Variants in RB1CC1 observed in about 807,000 individuals in gnomAD.
RB1CC1 encodes the protein RB1-inducible coiled-coil protein 1.
RB1CC1 carries 46 observed loss-of-function variants against 177.5 expected under a neutral mutation model. The ratio of observed to expected loss-of-function variants is 0.26; its 90% CI spans 0.20 to 0.33. The LOEUF (loss-of-function observed/expected upper bound fraction) is 0.33, where lower values mean the gene tolerates loss of function less well. Among genes scored for constraint, RB1CC1 ranks in the 10% least tolerant of loss-of-function variants. The pLI is 1.00. For missense variants in RB1CC1, 1,703 were observed against 1,816.3 expected, an observed-to-expected ratio of 0.94 and a Z score of 1.13; for synonymous variants, 666 against 613.6, an observed-to-expected ratio of 1.09 and a Z score of -1.26.
intron 1 of RB1CC1, among the ~76,000 whole-genome samples, chr8:52,705,211 G>C (rs1856444632): frequency 6.6e-6 from 1 of 152,168 alleles, no homozygotes; most frequent in Non-Finnish European, 1.5e-5. Context: ...AAACTGAACA[G>C]ATCCAAATTG....
intron 15 of RB1CC1, among the ~76,000 whole-genome samples, chr8:52,653,038 CAA>C (rs1422262913): frequency 6.6e-6 from 1 of 152,092 alleles, no homozygotes; most frequent in Admixed American, 6.5e-5. Flanking sequence ...GCCTGGGTAA[CAA>C]GAGCGAAACT....
intron 5 of RB1CC1, among the ~76,000 whole-genome samples, chr8:52,681,457 G>C (rs997733474): frequency 2.6e-5 from 4 of 152,154 alleles, no homozygotes; most frequent in African/African-American, 9.7e-5. Flanking sequence ...GAAGTAATCA[G>C]ACATAAACTC....
chr8:52,661,847 C>A, intron 8 of RB1CC1, 128 bp from the exon 9 acceptor site: 1 of 643,564 alleles, frequency 1.6e-6, no homozygotes, highest in African/African-American at 1.9e-5. Context: ...TTTTTAAATC[C>A]TCTATTTTTC....
intron 5 of RB1CC1, 49 bp downstream of exon 5, chr8:52,683,500 T>C (rs1191103112): frequency 5.5e-6 from 8 of 1,463,508 alleles, no homozygotes; most frequent in Non-Finnish European, 7.3e-6. Flanking sequence ...GCTATTTAGA[T>C]CCGAATGCTT....
At chr8:52,664,605 A>G (rs937299837) in intron 8 of RB1CC1, among the ~76,000 whole-genome samples, 2 of 152,202 alleles carry the variant, frequency 1.3e-5, no homozygotes, top group Non-Finnish European at 2.9e-5. Context: ...ACAAGACAAC[A>G]AAAACTAATT....
chr8:52,636,096 G>GT, intron 18 of RB1CC1, 27 bp from the exon 19 acceptor site: 1 of 1,588,786 alleles, frequency 6.3e-7, no homozygotes, highest in South Asian at 1.1e-5. Flanking sequence ...TTGAGTTTCA[G>GT]TTTGAAATTC....
At chr8:52,624,895 G>A in intron 22 of RB1CC1, 108 bp from the exon 23 acceptor site, 1 of 737,274 alleles carries the variant, frequency 1.4e-6, no homozygotes, top group South Asian at 2.2e-5. Flanking sequence ...ATGAGTGGAA[G>A]AATATGTAAG....
chr8:52,680,689 A>G (rs1214655340), intron 5 of RB1CC1, among the ~76,000 whole-genome samples: 2 of 152,232 alleles, frequency 1.3e-5, no homozygotes, highest in Admixed American at 1.3e-4. Context: ...AAACTGTGGC[A>G]TATTCGTACA....
chr8:52,674,765 C>T (rs1008412017), intron 6 of RB1CC1, among the ~76,000 whole-genome samples: 4 of 143,916 alleles, frequency 2.8e-5, no homozygotes, highest in South Asian at 2.2e-4. Context: ...AGCAAGGCTC[C>T]GTCTCAAAAA....
Position 52,622,750 on chromosome 8 carries a change from G to A in RB1CC1, c.*1032C>T, listed in dbSNP as rs943289812. On this transcript the variant is annotated 3_prime_UTR_variant, in exon 24 of 24. Transcript: ENST00000025008. The stretch of plus-strand genomic sequence containing the variant: ...TATTCTACATAACACTGTTTACCCT[G>A]TTACATAGTATATAGTTAAAGAACA... 5.3e-5 allele frequency: 8 copies of A among 151,776 alleles called. No homozygotes were observed. The highest frequency in any genetic ancestry group is 1.5e-4 in the African/African-American group (6 of 41,334). 9.4% of individuals were successfully genotyped at this position (151,776 alleles called of 1,614,324 possible). A position where few individuals can be genotyped will look rare whatever the true frequency, so the allele number is the denominator to read the frequency against.
intron 8 of RB1CC1, among the ~76,000 whole-genome samples, chr8:52,665,207 T>C (rs1851963572): frequency 6.6e-6 from 1 of 152,238 alleles, no homozygotes; most frequent in African/African-American, 2.4e-5. Context: ...ACAATATCTG[T>C]ATGATCTATA....
intron 11 of RB1CC1, 98 bp downstream of exon 11, chr8:52,660,828 A>T: frequency 8.8e-7 from 1 of 1,134,916 alleles, no homozygotes; most frequent in Non-Finnish European, 1.3e-6. Flanking sequence ...TATCAATGGC[A>T]ATTAACAGCA....
In RB1CC1 at chr8:52,680,672, T is replaced by TA. The variant is rs944184860; in HGVS notation, c.369+2876dup. The stretch of plus-strand genomic sequence containing the variant: ...ATACCTACTAGTAGCAGAACAGATT[T>TA]AAAAAAAAACTGTGGCATATTCGTA... On this transcript the variant is annotated intron_variant, in intron 5 of 23. Coordinates refer to ENST00000025008, the MANE Select transcript of RB1CC1 (RefSeq NM_014781.5). Among the ~76,000 whole-genome samples the TA allele has an allele frequency of 1.1e-4, 17 of 151,312 alleles. No homozygotes were observed. The East Asian group carries it at 1.7e-3, about 16-fold the overall frequency.
intron 18 of RB1CC1, among the ~76,000 whole-genome samples, chr8:52,640,685 T>G (rs1406187703): frequency 1.3e-5 from 2 of 152,200 alleles, no homozygotes; most frequent in African/African-American, 2.4e-5. Flanking sequence ...GGTGGTTCAC[T>G]TTTTTCACAC....
intron 5 of RB1CC1, among the ~76,000 whole-genome samples, chr8:52,678,534 A>G (rs1853369532): frequency 6.6e-6 from 1 of 152,208 alleles, no homozygotes; most frequent in Admixed American, 6.5e-5. Context: ...GTGTATATCA[A>G]AGTCTAGGAA....
chr8:52,660,153 A>C (rs887422738), intron 12 of RB1CC1, among the ~76,000 whole-genome samples: 1 of 152,232 alleles, frequency 6.6e-6, no homozygotes, highest in Admixed American at 6.5e-5. Context: ...ATTCCAGTGA[A>C]GTCTAACTGA....
intron 1 of RB1CC1, among the ~76,000 whole-genome samples, chr8:52,694,357 A>T (rs1431668087): frequency 6.6e-6 from 1 of 152,188 alleles, no homozygotes; most frequent in African/African-American, 2.4e-5. Flanking sequence ...CTCTACTCCC[A>T]GGCTCATCCC....
chr8:52,645,998 CTCTTTGAATCTAAA>C (rs1849989459), intron 15 of RB1CC1, 131 bp from the exon 16 acceptor site: 1 of 843,102 alleles, frequency 1.2e-6, no homozygotes, highest in African/African-American at 1.8e-5. Context: ...TGTGAACCCT[CTCTTTGAATCTAAA>C]AAGTAAAGGG....
intron 18 of RB1CC1, among the ~76,000 whole-genome samples, chr8:52,637,193 C>T (rs1849212123): frequency 1.3e-5 from 2 of 152,202 alleles, no homozygotes; most frequent in Admixed American, 1.3e-4. Context: ...GCGATTAAGT[C>T]TTCCAGTCAG....
Sources: allele counts gnomAD v4.1 joint callset (sites outside exome capture counted in the v4.1 genomes callset), GRCh38; gene constraint gnomAD v4.1.1; transcripts MANE v1.5; gene names NCBI Gene and HGNC (gene_info 2026-07-23, HGNC 2026-07-21).